LSAMP: variants seen among roughly 807,000 people sequenced by gnomAD.
LSAMP encodes the protein limbic system-associated membrane protein.
Under a neutral mutation model 38.6 loss-of-function variants are expected in LSAMP, and 7 were observed. The observed-to-expected ratio is 0.18, with a 90% CI of 0.10 to 0.34. The LOEUF (loss-of-function observed/expected upper bound fraction) is 0.34. LSAMP is among the 10% of genes least tolerant of loss of function. The pLI is 1.00. For missense variants in LSAMP, 313 were observed against 420.0 expected (o/e 0.75, Z 2.23); for synonymous variants, 154 against 166.8 (o/e 0.92, Z 0.59).
intron 1 of LSAMP, among the ~76,000 whole-genome samples, chr3:116,431,938 T>A (rs2049286783): frequency 6.6e-6 from 1 of 152,074 alleles, no homozygotes; most frequent in Admixed American, 6.6e-5. Context: ...TTTTGTCCTA[T>A]AATAGCAAAT....
intron 1 of LSAMP, among the ~76,000 whole-genome samples, chr3:116,110,480 G>A (rs528064012): frequency 9.9e-5 from 15 of 152,246 alleles, no homozygotes; most frequent in Admixed American, 2.0e-4. Context: ...TGTGACCGGC[G>A]CCGGAGTTTT....
intron 1 of LSAMP, among the ~76,000 whole-genome samples, chr3:116,400,142 G>A (rs1253046624): frequency 1.3e-5 from 2 of 152,006 alleles, no homozygotes; most frequent in Non-Finnish European, 2.9e-5. Context: ...ATATATACCA[G>A]GAGGAGCTAG....
At chr3:115,833,424 T>C (rs944735006) in intron 6 of LSAMP, among the ~76,000 whole-genome samples, 2 of 151,702 alleles carry the variant, frequency 1.3e-5, no homozygotes, top group Non-Finnish European at 2.9e-5. Flanking sequence ...AAATAGTTTG[T>C]CCTCTTTTTA....
chr3:116,354,841 A>G (rs200339322), intron 1 of LSAMP, among the ~76,000 whole-genome samples: 1 of 106,362 alleles, frequency 9.4e-6, no homozygotes, highest in East Asian at 3.1e-4. Flanking sequence ...CTCTGGGTGT[A>G]TATATGTGTG....
intron 1 of LSAMP, among the ~76,000 whole-genome samples, chr3:116,332,542 C>T (rs1422461155): frequency 6.6e-6 from 1 of 151,802 alleles, no homozygotes; most frequent in African/African-American, 2.4e-5. Context: ...GAAAAATGAA[C>T]TAAATGCAAA....
At chr3:115,831,356 G>A (rs947911917) in intron 6 of LSAMP, among the ~76,000 whole-genome samples, 3 of 152,188 alleles carry the variant, frequency 2.0e-5, no homozygotes, top group Admixed American at 6.6e-5. Flanking sequence ...TGAGTCCAGA[G>A]AGCCCCACGC....
rs369169559 is a variant in LSAMP at position 115,986,499 on chromosome 3, T to G, written c.514+33016A>C. On this transcript the variant is annotated intron_variant, in intron 3 of 6. Coordinates refer to ENST00000490035, the MANE Select transcript of LSAMP (RefSeq NM_002338.5). ...AAAACATATGCTTTTTGAATTTTTA[T>G]TTAATTGAGAAATTGGCTGAAGAAT... 3.3e-5 allele frequency among the ~76,000 whole-genome samples: 5 copies of G among 152,268 alleles called. 1 individual carries two copies. Among genetic ancestry groups the G allele is most frequent in the African/African-American group, 1.2e-4 (5 of 41,556 alleles).
intron 3 of LSAMP, among the ~76,000 whole-genome samples, chr3:116,011,514 A>G (rs1940323911): frequency 6.6e-6 from 1 of 152,140 alleles, no homozygotes; most frequent in Non-Finnish European, 1.5e-5. Context: ...ATTTAATGTC[A>G]TGTTAAGTAG....
intron 1 of LSAMP, among the ~76,000 whole-genome samples, chr3:116,439,310 GA>G (rs1446996515): frequency 2.9e-5 from 4 of 137,566 alleles, no homozygotes; most frequent in African/African-American, 5.6e-5. Flanking sequence ...TAGGTCCTGA[GA>G]TTTTGTTGTT....
chr3:116,274,768 G>GT (rs1474438146), intron 1 of LSAMP, among the ~76,000 whole-genome samples: 2 of 151,574 alleles, frequency 1.3e-5, no homozygotes, highest in African/African-American at 4.8e-5. Context: ...TAGGCAAAAG[G>GT]TTTTGTGCCT....
At chr3:115,902,076 C>G (rs1026361192) in intron 3 of LSAMP, among the ~76,000 whole-genome samples, 1 of 151,882 alleles carries the variant, frequency 6.6e-6, no homozygotes, top group Admixed American at 6.6e-5. Context: ...TAAAAACATA[C>G]AAATCAACTC....
At chr3:116,141,636 G>C (rs963633502) in intron 1 of LSAMP, among the ~76,000 whole-genome samples, 1 of 151,824 alleles carries the variant, frequency 6.6e-6, no homozygotes, top group Non-Finnish European at 1.5e-5. Context: ...GAGTCATCAT[G>C]TGATTGTGTG....
chr3:115,893,692 A>G lies in LSAMP; in HGVS notation c.515-41075T>C, dbSNP rs550845723. 2.8e-4 allele frequency among the ~76,000 whole-genome samples: 43 copies of G among 152,030 alleles called. No individual in the cohort carries two copies. The South Asian group carries it at 3.5e-3, about 12-fold the overall frequency. ...TCAAAAATGTTCAAACGAAAAAATC[A>G]GGAATAAAAGTATTAGATGTATATC... On this transcript the variant is annotated intron_variant, in intron 3 of 6. Transcript: ENST00000490035.
At chr3:116,065,383 A>G (rs1707402120) in intron 2 of LSAMP, among the ~76,000 whole-genome samples, 1 of 152,134 alleles carries the variant, frequency 6.6e-6, no homozygotes. Flanking sequence ...TATATATAAT[A>G]TTTTAGTTTT....
rs1006937380 is a variant in LSAMP, at chr3:116,280,494, C to T, written c.155+164383G>A. 2.0e-5 allele frequency among the ~76,000 whole-genome samples: 3 copies of T among 152,212 alleles called. No individual in the cohort carries two copies. In the South Asian group the frequency reaches 6.2e-4, roughly 32 times the overall value. ...CTCCTTCCCTAAAGCAGCTTGGCTGCGGGTCAGGATTCAATCAACTGAAAA... is the reference window on the plus strand; with the variant it reads ...CTCCTTCCCTAAAGCAGCTTGGCTGTGGGTCAGGATTCAATCAACTGAAAA... On this transcript the variant is annotated intron_variant, in intron 1 of 6. Transcript: ENST00000490035.
intron 1 of LSAMP, among the ~76,000 whole-genome samples, chr3:116,372,496 A>C (rs912971493): frequency 6.6e-6 from 1 of 151,976 alleles, no homozygotes; most frequent in African/African-American, 2.4e-5. Context: ...ACAACATTTG[A>C]TGGCAATGAT....
chr3:116,214,047 CATGTT>C (rs1174374155), intron 1 of LSAMP, among the ~76,000 whole-genome samples: 1 of 152,112 alleles, frequency 6.6e-6, no homozygotes, highest in African/African-American at 2.4e-5. Context: ...AAAGATATCT[CATGTT>C]AAGAGTTCTT....
intron 3 of LSAMP, among the ~76,000 whole-genome samples, chr3:115,897,078 T>G (rs1370654217): frequency 6.6e-6 from 1 of 152,066 alleles, no homozygotes; most frequent in Non-Finnish European, 1.5e-5. Flanking sequence ...TCGCTTATGA[T>G]TCCAAGATTA....
At chr3:115,918,507 CTG>C (rs1198887441) in intron 3 of LSAMP, among the ~76,000 whole-genome samples, 4 of 152,268 alleles carry the variant, frequency 2.6e-5, no homozygotes, top group Non-Finnish European at 4.4e-5. Context: ...CTGGCCAAGA[CTG>C]TTACCTACAT....
Sources: allele counts gnomAD v4.1 joint callset (sites outside exome capture counted in the v4.1 genomes callset), GRCh38; gene constraint gnomAD v4.1.1; transcripts MANE v1.5; gene names NCBI Gene and HGNC (gene_info 2026-07-23, HGNC 2026-07-21).